Variants in CATSPERE observed in about 807,000 individuals in gnomAD.
CATSPERE encodes catsper channel auxiliary subunit epsilon.
Under a neutral mutation model 114.1 loss-of-function variants are expected in CATSPERE, and 93 were observed. The observed-to-expected ratio is 0.81, with a 90% CI of 0.69 to 0.97. The LOEUF (loss-of-function observed/expected upper bound fraction) is 0.97, where lower values mean the gene tolerates loss of function less well. Among genes scored for constraint, CATSPERE ranks in the 50% least tolerant of loss-of-function variants. The pLI is 0.00. For missense variants in CATSPERE, 1,058 were observed against 1,131.6 expected (o/e 0.93, Z 0.93); for synonymous variants, 341 against 384.1 (o/e 0.89, Z 1.31).
chr1:244,632,630 C>A (rs1458456150), intron 20 of CATSPERE, among the ~76,000 whole-genome samples: 1 of 150,750 alleles, frequency 6.6e-6, no homozygotes, highest in Non-Finnish European at 1.5e-5. Context: ...ATATTGTATA[C>A]AAACCACATT....
At chr1:244,597,549 T>TTTTTC in intron 17 of CATSPERE, among the ~76,000 whole-genome samples, 1 of 151,608 alleles carries the variant, frequency 6.6e-6, no homozygotes. Context: ...TTTTTTTTTT[T>TTTTTC]TCATGATCTG....
At chr1:244,467,096 T>C (rs1667722023) in intron 2 of CATSPERE, among the ~76,000 whole-genome samples, 4 of 152,212 alleles carry the variant, frequency 2.6e-5, no homozygotes, top group African/African-American at 9.6e-5. Flanking sequence ...CTGTGTGGTA[T>C]CACTCGTAAA....
chr1:244,629,169 G>A lies in CATSPERE; in HGVS notation c.2649-6320G>A, dbSNP rs190773010. Among the ~76,000 whole-genome samples, 113 of 152,184 alleles carry A rather than the reference G, an allele frequency of 7.4e-4. 1 individual carries two copies. Among genetic ancestry groups the A allele is most frequent in the African/African-American group, 2.6e-3 (107 of 41,520 alleles). On this transcript the variant is annotated intron_variant, in intron 20 of 21. Transcript: ENST00000366534. ...GCTGATATTCCCCATCAGAACTTCC[G>A]CAGTCACACAGCTTCCTCCTCTGCC...
At chr1:244,552,995 C>A (rs1041857452) in intron 9 of CATSPERE, among the ~76,000 whole-genome samples, 181 bp downstream of exon 9, 2 of 151,988 alleles carry the variant, frequency 1.3e-5, no homozygotes, top group Admixed American at 6.6e-5. Flanking sequence ...AGAGATACAC[C>A]CCCAACAACT....
At chr1:244,596,616 G>A (rs1471827573) in intron 17 of CATSPERE, among the ~76,000 whole-genome samples, 2 of 152,058 alleles carry the variant, frequency 1.3e-5, no homozygotes, top group Admixed American at 6.5e-5. Context: ...TCTGGGGTGG[G>A]GGGCAAGGGG....
rs117770775 is a variant in CATSPERE at position 244,603,734 on chromosome 1, G to A, written c.2304-1961G>A. Among the ~76,000 whole-genome samples the A allele has an allele frequency of 2.5e-3, 378 of 151,692 alleles. 5 individuals carry two copies. Among genetic ancestry groups the A allele is most frequent in the East Asian group, 0.014 (71 of 5,164 alleles). On this transcript the variant is annotated intron_variant, in intron 17 of 21. Transcript: ENST00000366534. ...ATAATGTAAGAATCTGGCCAGGCAT[G>A]GTGGCTCACACCTGTAATCCCAGTG...
At chr1:244,579,097 C>T (rs907656386) in intron 11 of CATSPERE, among the ~76,000 whole-genome samples, 1 of 151,922 alleles carries the variant, frequency 6.6e-6, no homozygotes, top group Non-Finnish European at 1.5e-5. Flanking sequence ...TCAGTTTTTG[C>T]TGTGATATGC....
At chr1:244,581,579 A>C (rs563028469) in intron 11 of CATSPERE, among the ~76,000 whole-genome samples, 6 of 152,284 alleles carry the variant, frequency 3.9e-5, no homozygotes, top group Admixed American at 3.9e-4. Flanking sequence ...TATGTACATT[A>C]ATATTTTATT....
chr1:244,476,452 TTTCTTGTAGCAG>T (rs1669360403), intron 2 of CATSPERE, among the ~76,000 whole-genome samples: 1 of 152,172 alleles, frequency 6.6e-6, no homozygotes, highest in Non-Finnish European at 1.5e-5. Context: ...GCTTTTGAAA[TTTCTTGTAGCAG>T]TTCTATCAAA....
At chr1:244,454,249 G>C (rs1355874123), upstream of CATSPERE, 1 of 152,176 alleles carries the variant, frequency 6.6e-6, no homozygotes, top group Non-Finnish European at 1.5e-5. Context: ...GTGAATTACC[G>C]TTCGGAGGTC....
chr1:244,453,277 G>A (rs953550700), upstream of CATSPERE, among the ~76,000 whole-genome samples: 8 of 152,226 alleles, frequency 5.3e-5, no homozygotes, highest in South Asian at 2.1e-4. Context: ...AAATGCCCGA[G>A]GTAGTGTTGG....
intron 10 of CATSPERE, among the ~76,000 whole-genome samples, chr1:244,566,679 T>TTTTTTTTTTTTTTTTTC: frequency 8.3e-6 from 1 of 120,962 alleles, no homozygotes; most frequent in Non-Finnish European, 1.8e-5. Context: ...TTTTTTTTTT[T>TTTTTTTTTTTTTTTTTC]TTTTTTTTGC....
At chr1:244,506,451 T>C (rs1399386760) in intron 7 of CATSPERE, among the ~76,000 whole-genome samples, 1 of 152,220 alleles carries the variant, frequency 6.6e-6, no homozygotes, top group East Asian at 1.9e-4. Context: ...TCTATTTTTA[T>C]TGTTTTGAGA....
At chr1:244,494,219 T>C (rs1326762159) in intron 6 of CATSPERE, among the ~76,000 whole-genome samples, 10 of 151,562 alleles carry the variant, frequency 6.6e-5, no homozygotes, top group Admixed American at 6.6e-4. Context: ...CCAACAACAA[T>C]AGACTGGATT....
chr1:244,537,445 A>T (rs1372432084), intron 8 of CATSPERE, among the ~76,000 whole-genome samples: 1 of 151,902 alleles, frequency 6.6e-6, no homozygotes. Context: ...CTTTCTTGTG[A>T]TGTCTTTGTC....
chr1:244,572,301 A>T, intron 10 of CATSPERE, 29 bp from the exon 11 acceptor site: 2 of 1,102,362 alleles, frequency 1.8e-6, no homozygotes, highest in Non-Finnish European at 2.6e-6. Flanking sequence ...GGTTACTTAG[A>T]CTAACACAAA....
At position 244,510,116 on chromosome 1, in the gene CATSPERE, TG is replaced by T. The variant is rs199723176; in HGVS notation, c.430-8473del. 1.6e-3 allele frequency among the ~76,000 whole-genome samples: 240 copies of T among 152,272 alleles called. 9 individuals carry two copies. In the East Asian group the frequency reaches 0.045, roughly 29 times the overall value. The stretch of plus-strand genomic sequence containing the variant: ...ATTCTTTCTTTCTTTCTACTAATTT[TG>T]GGTTTGATTTGTTCTTGCTTTTCTG... On this transcript the variant is annotated intron_variant, in intron 7 of 21. Transcript: ENST00000366534.
At chr1:244,604,041 A>G (rs1221104180) in intron 17 of CATSPERE, among the ~76,000 whole-genome samples, 1 of 152,234 alleles carries the variant, frequency 6.6e-6, no homozygotes, top group Non-Finnish European at 1.5e-5. Context: ...GACTTTTGGA[A>G]GATGCAAACA....
At chr1:244,475,800 G>A (rs1181100274) in intron 2 of CATSPERE, among the ~76,000 whole-genome samples, 2 of 152,132 alleles carry the variant, frequency 1.3e-5, no homozygotes, top group African/African-American at 4.8e-5. Flanking sequence ...CTCCCAAAGT[G>A]CTGGAATTAC....
Sources: gnomAD v4.1 joint callset for allele counts (sites outside exome capture counted in the v4.1 genomes callset) on GRCh38, gnomAD v4.1.1 for gene constraint, MANE v1.5 for transcripts, NCBI Gene and HGNC (gene_info 2026-07-23, HGNC 2026-07-21) for gene names.